Variants in DGKB observed in about 807,000 individuals in gnomAD.
The protein encoded by DGKB is 90 kDa diacylglycerol kinase.
A neutral mutation model predicts 114.3 loss-of-function variants in DGKB; 67 were observed. That is an observed-to-expected ratio of 0.59 (90% CI 0.48 to 0.72). The LOEUF is 0.72. Ranked by LOEUF, DGKB falls within the 30% of genes least tolerant of loss-of-function variation. DGKB has a pLI of 0.00. For synonymous variants in DGKB, 398 were observed against 323.1 expected (o/e 1.23, Z -2.49); for missense variants, 907 against 975.2 (o/e 0.93, Z 0.93).
chr7:14,589,645 G>T (rs1172413817), intron 17 of DGKB, among the ~76,000 whole-genome samples: 1 of 151,646 alleles, frequency 6.6e-6, no homozygotes, highest in Non-Finnish European at 1.5e-5. Context: ...CTGCATTTTT[G>T]AGATTTGACA....
rs1305596565 is a variant in DGKB at position 14,541,587 on chromosome 7, T to C, written c.1770+32625A>G. On this transcript the variant is annotated intron_variant, in intron 20 of 25. Coordinates refer to ENST00000402815, the MANE Select transcript of DGKB (RefSeq NM_001350709.2). ...ATAGGTCATATTTAGAAACAATAGATTGATAGTTATTTTTAGAGAACCACA... is the reference window on the plus strand; with the variant it reads ...ATAGGTCATATTTAGAAACAATAGACTGATAGTTATTTTTAGAGAACCACA... Among the ~76,000 whole-genome samples the C allele has an allele frequency of 5.3e-5, 8 of 152,218 alleles. No individual in the cohort carries two copies. In the South Asian group the frequency reaches 1.7e-3, roughly 31 times the overall value.
intron 13 of DGKB, 101 bp downstream of exon 13, chr7:14,672,828 C>A: frequency 1.6e-6 from 1 of 637,858 alleles, no homozygotes. Context: ...ATACTTCTAC[C>A]TTGATTGATG....
chr7:14,746,140 A>G (rs887123600), intron 4 of DGKB, among the ~76,000 whole-genome samples: 2 of 152,146 alleles, frequency 1.3e-5, no homozygotes, highest in East Asian at 3.9e-4. Context: ...GGAGTTCAAG[A>G]CCAGCCTGGC....
At chr7:14,419,623 T>A (rs1365016138) in intron 21 of DGKB, among the ~76,000 whole-genome samples, 13 of 141,746 alleles carry the variant, frequency 9.2e-5, no homozygotes, top group African/African-American at 3.2e-4. Context: ...ATGCACTTAA[T>A]TTGAAAAAAA....
At chr7:14,436,171 C>T (rs534283546) in intron 21 of DGKB, among the ~76,000 whole-genome samples, 9 of 152,226 alleles carry the variant, frequency 5.9e-5, no homozygotes, top group Middle Eastern at 3.4e-3. Flanking sequence ...ATTAAAAATA[C>T]TGTAGTGTAC....
intron 1 of DGKB, among the ~76,000 whole-genome samples, chr7:14,909,672 T>C (rs1478645352): frequency 6.6e-6 from 1 of 152,198 alleles, no homozygotes; most frequent in African/African-American, 2.4e-5. Flanking sequence ...TGATTAAATA[T>C]ATATTTAAAA....
intron 21 of DGKB, among the ~76,000 whole-genome samples, chr7:14,371,115 T>C (rs1455049972): frequency 1.3e-5 from 2 of 152,196 alleles, no homozygotes; most frequent in Non-Finnish European, 2.9e-5. Context: ...GTGTGAATAG[T>C]GCTACAACGA....
At chr7:14,766,247 T>C (rs1836438361) in intron 2 of DGKB, among the ~76,000 whole-genome samples, 2 of 152,026 alleles carry the variant, frequency 1.3e-5, no homozygotes, top group African/African-American at 4.8e-5. Context: ...CTATAGTTTG[T>C]ATTCTAGTGC....
chr7:14,575,397 A>G (rs1179528576), intron 19 of DGKB, among the ~76,000 whole-genome samples: 8 of 152,212 alleles, frequency 5.3e-5, no homozygotes, highest in Admixed American at 3.3e-4. Flanking sequence ...TGAAAATAAA[A>G]GTCTTGTCAA....
chr7:14,494,823 C>G (rs1563320380), intron 20 of DGKB, among the ~76,000 whole-genome samples: 1 of 151,794 alleles, frequency 6.6e-6, no homozygotes. Flanking sequence ...TTGTTTCACT[C>G]TAACGTGAAA....
chr7:14,216,725 CAAAAA>C (rs755191130), intron 23 of DGKB, among the ~76,000 whole-genome samples: 1 of 50,350 alleles, frequency 2.0e-5, no homozygotes, highest in African/African-American at 7.1e-5. Flanking sequence ...GACTCCGTCT[CAAAAA>C]AAAAAAAAAA....
chr7:14,197,913 TC>T (rs1785256489), intron 23 of DGKB, among the ~76,000 whole-genome samples: 1 of 151,750 alleles, frequency 6.6e-6, no homozygotes, highest in South Asian at 2.1e-4. Context: ...TCTGACACAG[TC>T]CTCCTAAGTA....
intron 2 of DGKB, among the ~76,000 whole-genome samples, chr7:14,825,034 A>ATGTG (rs1845495463): frequency 7.1e-6 from 1 of 141,668 alleles, no homozygotes; most frequent in Non-Finnish European, 1.5e-5. Flanking sequence ...ATATATATAT[A>ATGTG]TATATATATA....
chr7:14,299,108 G>A (rs767860949), intron 23 of DGKB, among the ~76,000 whole-genome samples: 1 of 152,002 alleles, frequency 6.6e-6, no homozygotes, highest in East Asian at 1.9e-4. Context: ...GTGTAAATTT[G>A]TTCCAATACT....
At chr7:14,202,728 G>A (rs570905095) in intron 23 of DGKB, among the ~76,000 whole-genome samples, 69 of 151,808 alleles carry the variant, frequency 4.5e-4, no homozygotes, top group African/African-American at 1.4e-3. Flanking sequence ...TTAAAATTCC[G>A]TCTTTGAAAC....
chr7:14,841,133 A>C, intron 2 of DGKB, 61 bp downstream of exon 2: 1 of 1,398,128 alleles, frequency 7.2e-7, no homozygotes, highest in African/African-American at 1.4e-5. Flanking sequence ...TCTTATAAAT[A>C]AATGATACTT....
At chr7:14,378,984 T>C (rs575251490) in intron 21 of DGKB, among the ~76,000 whole-genome samples, 17 of 152,052 alleles carry the variant, frequency 1.1e-4, no homozygotes, top group African/African-American at 4.1e-4. Context: ...AAATTTTGAT[T>C]AAAAATAAAG....
At chr7:14,424,164 C>T (rs1827151280) in intron 21 of DGKB, among the ~76,000 whole-genome samples, 1 of 152,068 alleles carries the variant, frequency 6.6e-6, no homozygotes, top group Non-Finnish European at 1.5e-5. Flanking sequence ...TTCAGTAAAA[C>T]CAAATCATCA....
intron 2 of DGKB, among the ~76,000 whole-genome samples, chr7:14,838,548 C>T (rs577119824): frequency 1.3e-5 from 2 of 152,270 alleles, no homozygotes; most frequent in East Asian, 3.9e-4. Flanking sequence ...CTCTCTCTCT[C>T]TCTCTGTCAG....
Sources: gnomAD v4.1 joint callset for allele counts (sites outside exome capture counted in the v4.1 genomes callset) on GRCh38, gnomAD v4.1.1 for gene constraint, MANE v1.5 for transcripts, NCBI Gene and HGNC (gene_info 2026-07-23, HGNC 2026-07-21) for gene names.